CTTNBP2: variants seen among roughly 807,000 people sequenced by gnomAD.
The protein encoded by CTTNBP2 is cortactin-binding protein 2.
A neutral mutation model predicts 156.9 loss-of-function variants in CTTNBP2; 108 were observed. The ratio of observed to expected loss-of-function variants is 0.69; its 90% confidence interval spans 0.59 to 0.81. The LOEUF (loss-of-function observed/expected upper bound fraction) is 0.81. Ranked by LOEUF, CTTNBP2 falls within the 30% of genes least tolerant of loss-of-function variation. The pLI is 0.00. For synonymous variants in CTTNBP2, 767 were observed against 751.8 expected, an observed-to-expected ratio of 1.02 and a Z score of -0.33; for missense variants, 1,924 against 2,035.4, an observed-to-expected ratio of 0.95 and a Z score of 1.05.
At chr7:117,765,172 G>A (rs182064583) in intron 9 of CTTNBP2, among the ~76,000 whole-genome samples, 1 of 152,290 alleles carries the variant, frequency 6.6e-6, no homozygotes, top group Non-Finnish European at 1.5e-5. Flanking sequence ...CCGACCTCAG[G>A]TGATCTGCCC....
intron 22 of CTTNBP2, among the ~76,000 whole-genome samples, chr7:117,717,003 G>GAT (rs1480147608): frequency 0.011 from 20 of 1,806 alleles, no homozygotes; most frequent in South Asian, 0.079. Flanking sequence ...CTACTCCCAA[G>GAT]GTGGCTTACA....
chr7:117,868,821 T>C (rs184033596), intron 1 of CTTNBP2, among the ~76,000 whole-genome samples: 59 of 152,358 alleles, frequency 3.9e-4, no homozygotes, highest in African/African-American at 1.3e-3. Context: ...AGTTGGGGGA[T>C]ACTGCTCCAT....
At chr7:117,864,671 CAT>C (rs1230866308) in intron 1 of CTTNBP2, among the ~76,000 whole-genome samples, 1 of 99,306 alleles carries the variant, frequency 1.0e-5, no homozygotes, top group African/African-American at 3.1e-5. Context: ...AATATATATT[CAT>C]ATATTTATAT....
intron 16 of CTTNBP2, among the ~76,000 whole-genome samples, chr7:117,731,254 G>A (rs1674203583): frequency 6.6e-6 from 1 of 152,226 alleles, no homozygotes; most frequent in East Asian, 1.9e-4. Flanking sequence ...AAAGGTGATT[G>A]TTAAATTTTG....
At chr7:117,825,372 C>T (rs1303820859) in intron 2 of CTTNBP2, among the ~76,000 whole-genome samples, 1 of 152,170 alleles carries the variant, frequency 6.6e-6, no homozygotes, top group East Asian at 1.9e-4. Flanking sequence ...CTTTCTGGTA[C>T]GTCTCCTTCA....
intron 10 of CTTNBP2, among the ~76,000 whole-genome samples, chr7:117,758,850 G>A (rs1446549450): frequency 1.3e-5 from 2 of 152,190 alleles, no homozygotes; most frequent in Non-Finnish European, 2.9e-5. Flanking sequence ...CATGAACACT[G>A]CAATAATCAA....
chr7:117,735,841 C>A (rs1795659266), intron 14 of CTTNBP2, among the ~76,000 whole-genome samples: 1 of 152,062 alleles, frequency 6.6e-6, no homozygotes, highest in Non-Finnish European at 1.5e-5. Context: ...ACAGGCAACA[C>A]TAAATCTATA....
intron 2 of CTTNBP2, among the ~76,000 whole-genome samples, chr7:117,820,219 CA>C (rs1305709273): frequency 3.3e-5 from 5 of 152,178 alleles, no homozygotes; most frequent in Middle Eastern, 3.2e-3. Flanking sequence ...ATTAAATTAT[CA>C]GTGCACATAA....
intron 12 of CTTNBP2, among the ~76,000 whole-genome samples, chr7:117,755,896 A>T (rs1248740917): frequency 2.6e-5 from 4 of 152,152 alleles, no homozygotes. Context: ...TTCCCCTGAA[A>T]GGAAAGGCCT....
chr7:117,790,961 GGAGC>G, intron 4 of CTTNBP2, among the ~76,000 whole-genome samples, 163 bp downstream of exon 4: 1 of 150,126 alleles, frequency 6.7e-6, no homozygotes, highest in East Asian at 2.0e-4. Flanking sequence ...ACCATACCCT[GGAGC>G]CTTTAAAAAA....
intron 2 of CTTNBP2, among the ~76,000 whole-genome samples, chr7:117,844,956 A>G (rs1042626702): frequency 2.0e-5 from 3 of 152,180 alleles, no homozygotes; most frequent in Non-Finnish European, 2.9e-5. Flanking sequence ...GAAAGAATCT[A>G]GGAGAACAGG....
At chr7:117,759,048 GA>G (rs1797046099) in intron 10 of CTTNBP2, among the ~76,000 whole-genome samples, 2 of 152,102 alleles carry the variant, frequency 1.3e-5, no homozygotes. Flanking sequence ...TCCATGTGTG[GA>G]CAAAATGTGT....
At chr7:117,804,142 T>C (rs1799788327) in intron 3 of CTTNBP2, among the ~76,000 whole-genome samples, 1 of 152,116 alleles carries the variant, frequency 6.6e-6, no homozygotes, top group South Asian at 2.1e-4. Flanking sequence ...TTTGTATTTT[T>C]AGTAGAGACG....
intron 8 of CTTNBP2, among the ~76,000 whole-genome samples, chr7:117,774,716 A>G (rs1340876264): frequency 1.3e-5 from 2 of 151,572 alleles, no homozygotes; most frequent in Non-Finnish European, 1.5e-5. Flanking sequence ...TGTCCCTTCA[A>G]GCTCTGAAAT....
intron 8 of CTTNBP2, among the ~76,000 whole-genome samples, chr7:117,773,951 G>A (rs1797956260): frequency 6.6e-6 from 1 of 152,010 alleles, no homozygotes; most frequent in African/African-American, 2.4e-5. Flanking sequence ...AGTCCCCCCA[G>A]TGAAAAAAAT....
At chr7:117,784,482 G>C in intron 4 of CTTNBP2, 28 bp from the exon 5 acceptor site, 2 of 1,512,780 alleles carry the variant, frequency 1.3e-6, no homozygotes, top group Non-Finnish European at 1.8e-6. Flanking sequence ...CCTCGTTAGA[G>C]AGTAGGAGCA....
intron 12 of CTTNBP2, among the ~76,000 whole-genome samples, chr7:117,749,041 G>C (rs576571591): frequency 6.6e-6 from 1 of 152,288 alleles, no homozygotes; most frequent in East Asian, 1.9e-4. Context: ...CTGGAACTGT[G>C]AGAAATACAT....
At position 117,767,050 on chromosome 7, in the gene CTTNBP2, A is replaced by G; in HGVS notation, c.2896+9T>C. ...GAAAGATAAACAATAAGCTCTGAACATCACTCACTCAGATTCTCCAGCAAA... is the reference window on the plus strand; with the variant it reads ...GAAAGATAAACAATAAGCTCTGAACGTCACTCACTCAGATTCTCCAGCAAA... On this transcript the variant is annotated intron_variant, in intron 9 of 22. Coordinates refer to ENST00000160373, the MANE Select transcript of CTTNBP2 (RefSeq NM_033427.3). The G allele has an allele frequency of 7.1e-7, 1 of 1,404,492 alleles. No individual in the cohort carries two copies. The highest frequency in any genetic ancestry group is 1.1e-5 in the South Asian group (1 of 86,964). 87.0% of individuals were successfully genotyped at this position (1,404,492 alleles called of 1,614,324 possible).
rs751336559 is a variant in CTTNBP2, at chr7:117,791,647, C to T, written c.1549G>A (p.Asp517Asn). The stretch of plus-strand genomic sequence containing the variant: ...CCAACTGGAGGGTGGGTGCCAACAT[C>T]CCCTGTTGGGGGCACTCCAGGCCTT... ...PSRPGVPPTG[D>N]VGTHPPVGRT... The change falls in exon 4 of 23, where the codon GAT becomes AAT. Residue 517 changes from aspartate (D) to asparagine (N), a missense_variant. Transcript: ENST00000160373. The T allele has an allele frequency of 2.5e-6, 4 of 1,614,044 alleles. No homozygotes were observed. In the African/African-American group the frequency reaches 5.3e-5, roughly 22 times the overall value.
Sources: allele counts gnomAD v4.1 joint callset (sites outside exome capture counted in the v4.1 genomes callset), GRCh38; gene constraint gnomAD v4.1.1; transcripts MANE v1.5; gene names NCBI Gene and HGNC (gene_info 2026-07-23, HGNC 2026-07-21).